Variants in SYK observed in about 807,000 individuals in gnomAD.
The protein encoded by SYK is spleen associated tyrosine kinase.
SYK carries 16 observed loss-of-function variants against 77.8 expected under a neutral mutation model. The ratio of observed to expected loss-of-function variants is 0.21; its 90% CI spans 0.14 to 0.31. SYK has a LOEUF of 0.31. SYK is among the 10% of genes least tolerant of loss of function. SYK has a pLI of 1.00. For missense variants in SYK, 529 were observed against 814.4 expected (o/e 0.65, Z 4.26); for synonymous variants, 312 against 308.7 (o/e 1.01, Z -0.11).
At chr9:90,884,118 A>G (rs1167361983) in intron 11 of SYK, among the ~76,000 whole-genome samples, 1 of 133,260 alleles carries the variant, frequency 7.5e-6, no homozygotes, top group Non-Finnish European at 1.6e-5. Flanking sequence ...CCCCAAATCA[A>G]ACCCAAAGTG....
rs1480374036 is a variant in SYK at position 90,895,985 on chromosome 9, C to T, written c.*385C>T. 8.1e-6 allele frequency: 2 copies of T among 247,112 alleles called. No homozygotes were observed. Among genetic ancestry groups the T allele is most frequent in the African/African-American group, 4.3e-5 (2 of 46,124 alleles). 15.3% of individuals were successfully genotyped at this position (247,112 alleles called of 1,614,324 possible). A position where few individuals can be genotyped will look rare whatever the true frequency, so the allele number is the denominator to read the frequency against. ...GCAGAGTGGCCTAGAGCACTCTCAC[C>T]CCAAGCGGCCTTTTCCAAATGCCCA... On this transcript the variant is annotated 3_prime_UTR_variant, in exon 14 of 14. Coordinates refer to ENST00000375754, the MANE Select transcript of SYK (RefSeq NM_003177.7). The surrounding 1 kb of genome is among the most constrained non-coding windows in gnomAD (Gnocchi z 4.4).
chr9:90,851,751 G>T (rs1587861949), intron 3 of SYK, among the ~76,000 whole-genome samples: 3 of 152,168 alleles, frequency 2.0e-5, no homozygotes, highest in African/African-American at 7.2e-5. Flanking sequence ...AAATGAATTT[G>T]TTAGGAAAAG....
chr9:90,826,532 A>G lies in SYK; in HGVS notation c.-41-17326A>G, dbSNP rs374507131. 6.6e-5 allele frequency among the ~76,000 whole-genome samples: 10 copies of G among 152,304 alleles called. No homozygotes were observed. The East Asian group carries it at 7.7e-4, about 12-fold the overall frequency. On this transcript the variant is annotated intron_variant, in intron 1 of 13. Coordinates refer to ENST00000375754, the MANE Select transcript of SYK (RefSeq NM_003177.7). Reference sequence around the variant, plus strand: ...TTTGGGGTGCAGGTGCAGATTGCCTACTGTTGTGTTTCTGAACACTTCCCT... The same window carrying G: ...TTTGGGGTGCAGGTGCAGATTGCCTGCTGTTGTGTTTCTGAACACTTCCCT...
chr9:90,828,861 C>T (rs1248247824), intron 1 of SYK, among the ~76,000 whole-genome samples: 1 of 152,140 alleles, frequency 6.6e-6, no homozygotes, highest in African/African-American at 2.4e-5. Flanking sequence ...GCTCCCTTCC[C>T]CACCCGTGGC....
At chr9:90,854,837 A>G (rs1826959506) in intron 3 of SYK, among the ~76,000 whole-genome samples, 1 of 152,006 alleles carries the variant, frequency 6.6e-6, no homozygotes, top group Admixed American at 6.5e-5. Context: ...AGAAATAAGC[A>G]GTGTAATCTT....
chr9:90,886,343 C>T (rs576270476), intron 11 of SYK, among the ~76,000 whole-genome samples: 2 of 152,234 alleles, frequency 1.3e-5, no homozygotes, highest in Admixed American at 6.5e-5. Flanking sequence ...AAAAAAGGAA[C>T]TCTTATACAC....
At chr9:90,842,758 A>AGTGTGTGT (rs60139969) in intron 1 of SYK, among the ~76,000 whole-genome samples, 2 of 58,350 alleles carry the variant, frequency 3.4e-5, no homozygotes, top group East Asian at 4.7e-4. Flanking sequence ...GTATGGAGAG[A>AGTGTGTGT]GTGTGTGTGT....
At position 90,843,922 on chromosome 9, in the gene SYK, C is replaced by G. The variant is rs1303089710; in HGVS notation, c.24C>G (p.Asp8Glu). 1 of 1,549,916 alleles carries G rather than the reference C, an allele frequency of 6.5e-7. No homozygotes were observed. Among genetic ancestry groups the G allele is most frequent in the Admixed American group, 1.9e-5 (1 of 53,698 alleles). MASSGMA[D>E]SANHLPFFFG... ...GCATGGCCAGCAGCGGCATGGCTGA[C>G]AGCGCCAACCACCTGCCCTTCTTTT... Residue 8 changes from aspartate (D) to glutamate (E), a missense_variant, in exon 2 of 14, where the codon GAC becomes GAG. Transcript: ENST00000375754.
chr9:90,812,674 T>G (rs954468334), intron 1 of SYK, among the ~76,000 whole-genome samples: 1 of 151,974 alleles, frequency 6.6e-6, no homozygotes, highest in Non-Finnish European at 1.5e-5. Flanking sequence ...CTGGGTATAA[T>G]GGCAGCTGTG....
At chr9:90,829,846 T>A (rs1461341231) in intron 1 of SYK, among the ~76,000 whole-genome samples, 1 of 152,230 alleles carries the variant, frequency 6.6e-6, no homozygotes, top group African/African-American at 2.4e-5. Context: ...CTGTTTTCTG[T>A]GTTAATTATG....
At chr9:90,843,804 C>A (rs1363245013) in intron 1 of SYK, 54 bp from the exon 2 acceptor site, 1 of 1,350,626 alleles carries the variant, frequency 7.4e-7, no homozygotes, top group Non-Finnish European at 9.6e-7. Context: ...TTTTAGCAAA[C>A]GTTCCCTGCC....
chr9:90,894,886 C>T (rs1828924600), intron 13 of SYK, among the ~76,000 whole-genome samples: 1 of 152,180 alleles, frequency 6.6e-6, no homozygotes, highest in South Asian at 2.1e-4. Flanking sequence ...TAGTGCCTCC[C>T]TGGCCAGCAG....
chr9:90,879,273 T>C (rs562911651), intron 11 of SYK, among the ~76,000 whole-genome samples: 84 of 152,362 alleles, frequency 5.5e-4, no homozygotes, highest in African/African-American at 1.9e-3. Flanking sequence ...AAGTTTGCAT[T>C]GGACAGCTTG....
rs199633431 is a variant in SYK at position 90,898,115 on chromosome 9, G to A, written c.*2515G>A. ...AAGGTAAGGTGCCTTTTACCTTATG[G>A]TCCTTCTTTAGCAGGTAACAAAGGA... On this transcript the variant is annotated 3_prime_UTR_variant, in exon 14 of 14. Transcript: ENST00000375754. The A allele has an allele frequency of 1.7e-5, 4 of 228,618 alleles. No homozygotes were observed. The highest frequency in any genetic ancestry group is 3.5e-5 in the Non-Finnish European group (4 of 115,326). The allele number at this position is 228,618 out of a possible 1,614,324, so 14.2% of individuals were successfully genotyped here. A position where few individuals can be genotyped will look rare whatever the true frequency, so the allele number is the denominator to read the frequency against.
intron 1 of SYK, among the ~76,000 whole-genome samples, chr9:90,840,365 G>A (rs1184611339): frequency 6.6e-6 from 1 of 152,068 alleles, no homozygotes; most frequent in East Asian, 1.9e-4. Flanking sequence ...AAATGAGGTT[G>A]GAGGCCCGAG....
At chr9:90,828,766 G>A (rs184447005) in intron 1 of SYK, among the ~76,000 whole-genome samples, 10 of 152,244 alleles carry the variant, frequency 6.6e-5, no homozygotes, top group Admixed American at 6.5e-4. Flanking sequence ...TCCTGGTGGA[G>A]AAGAACTGCA....
intron 3 of SYK, among the ~76,000 whole-genome samples, chr9:90,860,387 A>G (rs1188724154): frequency 6.6e-6 from 1 of 152,194 alleles, no homozygotes; most frequent in Non-Finnish European, 1.5e-5. Flanking sequence ...TACTTTCCCT[A>G]TAAAACAGAC....
intron 13 of SYK, among the ~76,000 whole-genome samples, chr9:90,892,168 A>T (rs1267149766): frequency 6.6e-6 from 1 of 152,250 alleles, no homozygotes; most frequent in African/African-American, 2.4e-5. Context: ...TAGACAAAGA[A>T]CCATACATTT....
intron 2 of SYK, among the ~76,000 whole-genome samples, chr9:90,845,179 A>G (rs566271787): frequency 3.7e-4 from 56 of 152,268 alleles, no homozygotes; most frequent in African/African-American, 1.3e-3. Flanking sequence ...CAAGTGAACC[A>G]TCCTCCTTGG....
Sources: allele counts gnomAD v4.1 joint callset (sites outside exome capture counted in the v4.1 genomes callset), GRCh38; gene constraint gnomAD v4.1.1; non-coding constraint Gnocchi (gnomAD v3.1); transcripts MANE v1.5; gene names NCBI Gene and HGNC (gene_info 2026-07-23, HGNC 2026-07-21).